NEO1: variants seen among roughly 807,000 people sequenced by gnomAD.
NEO1 encodes the protein neogenin.
NEO1 carries 63 observed loss-of-function variants against 159.7 expected under a neutral mutation model. The ratio of observed to expected loss-of-function variants is 0.39; its 90% confidence interval spans 0.32 to 0.49. The LOEUF (loss-of-function observed/expected upper bound fraction) is 0.49. NEO1 is among the 20% of genes least tolerant of loss of function. The probability of loss-of-function intolerance (pLI) is 0.85; values close to 1 mark genes in which losing one functional copy is unlikely to be tolerated. For synonymous variants in NEO1, 633 were observed against 662.0 expected (o/e 0.96, Z 0.67); for missense variants, 1,615 against 1,831.0 (o/e 0.88, Z 2.15).
At chr15:73,170,481 A>T (rs1206378417) in intron 5 of NEO1, among the ~76,000 whole-genome samples, 1 of 152,202 alleles carries the variant, frequency 6.6e-6, no homozygotes, top group Non-Finnish European at 1.5e-5. Flanking sequence ...ATGACCATAA[A>T]CTGAAGTCCA....
At chr15:73,230,095 C>T (rs2038818232) in intron 7 of NEO1, among the ~76,000 whole-genome samples, 2 of 152,062 alleles carry the variant, frequency 1.3e-5, no homozygotes. Context: ...TTCTCTATTT[C>T]CTGAAAAAGT....
At chr15:73,085,085 A>G (rs1461967669) in intron 1 of NEO1, among the ~76,000 whole-genome samples, 1 of 136,924 alleles carries the variant, frequency 7.3e-6, no homozygotes, top group Non-Finnish European at 1.7e-5. Context: ...TCATTAGTTC[A>G]GTTAAAAAAG....
intron 1 of NEO1, among the ~76,000 whole-genome samples, chr15:73,060,118 T>C (rs1265262385): frequency 1.3e-5 from 2 of 152,212 alleles, no homozygotes; most frequent in African/African-American, 2.4e-5. Context: ...AATTTAGGGA[T>C]AGAATAACAA....
At chr15:73,223,227 A>C (rs925539727) in intron 7 of NEO1, among the ~76,000 whole-genome samples, 6 of 152,184 alleles carry the variant, frequency 3.9e-5, no homozygotes, top group Non-Finnish European at 7.3e-5. Flanking sequence ...AGAAAGTTCC[A>C]TGCCCTGTTG....
chr15:73,132,838 C>T (rs1325374339), intron 4 of NEO1, among the ~76,000 whole-genome samples: 1 of 152,134 alleles, frequency 6.6e-6, no homozygotes, highest in East Asian at 1.9e-4. Context: ...TGCAAAACCA[C>T]CTTCCTCCTG....
At chr15:73,161,854 G>A (rs1428028364) in intron 5 of NEO1, 4 of 224,268 alleles carry the variant, frequency 1.8e-5, no homozygotes, top group East Asian at 2.2e-4. Flanking sequence ...TATAATTGAC[G>A]AACTTGGCTT....
chr15:73,120,303 T>G (rs372693583), intron 2 of NEO1, among the ~76,000 whole-genome samples: 1 of 151,704 alleles, frequency 6.6e-6, no homozygotes, highest in Non-Finnish European at 1.5e-5. Flanking sequence ...AAGTAGATTT[T>G]TGGTCAAATC....
At chr15:73,301,663 C>A in intron 28 of NEO1, 1 of 627,236 alleles carries the variant, frequency 1.6e-6, no homozygotes, top group East Asian at 2.9e-5. Context: ...CTTTCTTTCC[C>A]ATATCCACTC....
chr15:73,081,583 T>G (rs970080735), intron 1 of NEO1, among the ~76,000 whole-genome samples: 1 of 147,412 alleles, frequency 6.8e-6, no homozygotes, highest in African/African-American at 2.5e-5. Flanking sequence ...AAGTGTTTTG[T>G]TTTTTTTTTT....
At chr15:73,302,132 C>A (rs2042643036) in intron 28 of NEO1, among the ~76,000 whole-genome samples, 1 of 152,234 alleles carries the variant, frequency 6.6e-6, no homozygotes, top group African/African-American at 2.4e-5. Context: ...TGTGACCTTT[C>A]CTGAGCAAGA....
chr15:73,245,052 C>T (rs1158495532), intron 9 of NEO1, among the ~76,000 whole-genome samples: 4 of 150,220 alleles, frequency 2.7e-5, no homozygotes, highest in African/African-American at 4.9e-5. Flanking sequence ...TTTACTGACC[C>T]TTTAAGACTT....
intron 22 of NEO1, among the ~76,000 whole-genome samples, chr15:73,279,964 C>G (rs1490575036): frequency 6.6e-6 from 1 of 152,142 alleles, no homozygotes; most frequent in Non-Finnish European, 1.5e-5. Flanking sequence ...AACTCAAGTA[C>G]CAGTGCTAAG....
intron 16 of NEO1, among the ~76,000 whole-genome samples, chr15:73,266,658 G>A (rs2040914835): frequency 6.6e-6 from 1 of 151,664 alleles, no homozygotes; most frequent in Non-Finnish European, 1.5e-5. Context: ...TTTTTAATCT[G>A]TTAGGATGTG....
intron 7 of NEO1, among the ~76,000 whole-genome samples, chr15:73,201,954 C>CTTTTTTTTTTT (rs1206304409): frequency 2.4e-5 from 2 of 83,456 alleles, no homozygotes; most frequent in Non-Finnish European, 4.5e-5. Flanking sequence ...CTATATCATT[C>CTTTTTTTTTTT]TTTTTTTTTT....
intron 7 of NEO1, among the ~76,000 whole-genome samples, chr15:73,207,048 TTCTGTAA>T (rs1404107937): frequency 1.3e-5 from 2 of 152,166 alleles, no homozygotes; most frequent in Admixed American, 1.3e-4. Flanking sequence ...AAGTAGTTGT[TTCTGTAA>T]TTTTAAGAGA....
At chr15:73,271,489 T>C (rs1374401214) in intron 18 of NEO1, among the ~76,000 whole-genome samples, 1 of 152,242 alleles carries the variant, frequency 6.6e-6, no homozygotes, top group African/African-American at 2.4e-5. Context: ...TCCTGTTGCA[T>C]AAACGAACAG....
At chr15:73,139,220 TAAAAG>T (rs1274716449) in intron 5 of NEO1, among the ~76,000 whole-genome samples, 1 of 151,956 alleles carries the variant, frequency 6.6e-6, no homozygotes, top group Non-Finnish European at 1.5e-5. Flanking sequence ...GTAAAACTAC[TAAAAG>T]AAAAGAGGGG....
intron 3 of NEO1, among the ~76,000 whole-genome samples, chr15:73,124,231 T>G (rs1210017840): frequency 7.3e-6 from 1 of 136,936 alleles, no homozygotes; most frequent in Non-Finnish European, 1.7e-5. Flanking sequence ...CTGGCTAATT[T>G]TTTTGTATTT....
chr15:73,216,382 G>A (rs1252336660), intron 7 of NEO1, among the ~76,000 whole-genome samples: 15 of 152,088 alleles, frequency 9.9e-5, no homozygotes, highest in East Asian at 1.9e-4. Context: ...GAATAGTGCC[G>A]CAATAAACAT....
Sources: gnomAD v4.1 joint callset for allele counts (sites outside exome capture counted in the v4.1 genomes callset) on GRCh38, gnomAD v4.1.1 for gene constraint, MANE v1.5 for transcripts, NCBI Gene and HGNC (gene_info 2026-07-23, HGNC 2026-07-21) for gene names.